RAPGEF2: variants seen among roughly 807,000 people sequenced by gnomAD.
The protein encoded by RAPGEF2 is PDZ domain containing guanine nucleotide exchange factor (GEF) 1.
RAPGEF2 carries 54 observed loss-of-function variants against 186.7 expected under a neutral mutation model. That is an observed-to-expected ratio of 0.29 (90% CI 0.23 to 0.36). RAPGEF2 has a LOEUF of 0.36. RAPGEF2 is among the 10% of genes least tolerant of loss of function. The pLI is 1.00. For missense variants in RAPGEF2, 1,532 were observed against 2,045.0 expected (o/e 0.75, Z 4.84); for synonymous variants, 712 against 705.9 (o/e 1.01, Z -0.14).
rs550170093 is a variant in RAPGEF2 at position 159,156,937 on chromosome 4, C to G, written c.70-29705C>G. 1.2e-4 allele frequency among the ~76,000 whole-genome samples: 18 copies of G among 152,248 alleles called. No individual in the cohort carries two copies. In the South Asian group the frequency reaches 3.3e-3, roughly 28 times the overall value. ...TTTATATTGTATTGTTTAAAATAACCTAGACATTTACCCAGTACAGTATCT... is the reference window on the plus strand; with the variant it reads ...TTTATATTGTATTGTTTAAAATAACGTAGACATTTACCCAGTACAGTATCT... On this transcript the variant is annotated intron_variant, in intron 1 of 29. Transcript: ENST00000691494.
chr4:159,332,879 G>A (rs1766883614), intron 17 of RAPGEF2, 182 bp downstream of exon 17: 5 of 565,106 alleles, frequency 8.8e-6, no homozygotes, highest in Admixed American at 7.4e-5. Flanking sequence ...CACTTATTTG[G>A]CTACTCCCAA....
chr4:159,209,958 A>C (rs1185674396), intron 3 of RAPGEF2, among the ~76,000 whole-genome samples: 1 of 152,262 alleles, frequency 6.6e-6, no homozygotes, highest in African/African-American at 2.4e-5. Context: ...TTTGATGAAA[A>C]GATCTCTGAG....
intron 7 of RAPGEF2, among the ~76,000 whole-genome samples, chr4:159,299,805 T>C (rs1019918552): frequency 6.6e-6 from 1 of 152,060 alleles, no homozygotes; most frequent in Admixed American, 6.6e-5. Context: ...CCTATTTATA[T>C]ATTATAGAGA....
intron 1 of RAPGEF2, among the ~76,000 whole-genome samples, chr4:159,178,805 C>T (rs910423920): frequency 3.3e-5 from 5 of 152,136 alleles, no homozygotes; most frequent in South Asian, 2.1e-4. Flanking sequence ...GCAATTCACC[C>T]GCCTCGGCTT....
intron 1 of RAPGEF2, among the ~76,000 whole-genome samples, chr4:159,148,139 C>T (rs1187506473): frequency 1.3e-5 from 2 of 152,038 alleles, no homozygotes; most frequent in African/African-American, 4.8e-5. Context: ...TATATTAGAT[C>T]TATATCAAAA....
intron 1 of RAPGEF2, among the ~76,000 whole-genome samples, chr4:159,170,733 G>T (rs770962919): frequency 6.6e-6 from 1 of 152,048 alleles, no homozygotes; most frequent in South Asian, 2.1e-4. Flanking sequence ...ATCTATTTTT[G>T]ATTTTGTTGC....
At position 159,355,306 on chromosome 4, in the gene RAPGEF2, C is replaced by T. The variant is rs191315251; in HGVS notation, c.4652-547C>T. On this transcript the variant is annotated intron_variant, in intron 28 of 29. Transcript: ENST00000691494. ...AATTTTTAAATTGGTATCCTTTGTG[C>T]GACTTTTCCAAATTTATTTTAATTC... Among the ~76,000 whole-genome samples the T allele has an allele frequency of 2.7e-3, 416 of 152,228 alleles. 2 individuals carry two copies. The highest frequency in any genetic ancestry group is 8.7e-3 in the African/African-American group (361 of 41,542).
intron 5 of RAPGEF2, among the ~76,000 whole-genome samples, chr4:159,240,724 C>T (rs1478178201): frequency 6.6e-6 from 1 of 151,578 alleles, no homozygotes; most frequent in Non-Finnish European, 1.5e-5. Context: ...AGGAGAAACC[C>T]TTGCGTAACC....
At chr4:159,165,408 A>C (rs1186724462) in intron 1 of RAPGEF2, among the ~76,000 whole-genome samples, 1 of 152,146 alleles carries the variant, frequency 6.6e-6, no homozygotes, top group African/African-American at 2.4e-5. Flanking sequence ...TTCAGATCGG[A>C]TATGTTTTGG....
intron 7 of RAPGEF2, among the ~76,000 whole-genome samples, chr4:159,258,826 G>A (rs946289770): frequency 2.6e-5 from 4 of 152,062 alleles, no homozygotes; most frequent in African/African-American, 9.7e-5. Context: ...TTCTAGGAGT[G>A]GCATTATAGA....
intron 7 of RAPGEF2, among the ~76,000 whole-genome samples, chr4:159,278,417 C>G (rs553593273): frequency 5.3e-4 from 81 of 152,264 alleles, no homozygotes; most frequent in African/African-American, 1.9e-3. Flanking sequence ...ATTCCTACCC[C>G]TAAGGAACCT....
intron 8 of RAPGEF2, among the ~76,000 whole-genome samples, chr4:159,306,829 G>C (rs547858220): frequency 4.5e-4 from 69 of 152,226 alleles, no homozygotes; most frequent in Admixed American, 9.8e-4. Context: ...AATAAGACTG[G>C]ATCATTGAAT....
chr4:159,251,616 G>T (rs928972668), intron 7 of RAPGEF2, among the ~76,000 whole-genome samples: 1 of 151,932 alleles, frequency 6.6e-6, no homozygotes, highest in Non-Finnish European at 1.5e-5. Flanking sequence ...TCAGTGCTCT[G>T]TGTCTAGCAA....
chr4:159,140,407 A>G (rs1742182446), intron 1 of RAPGEF2, among the ~76,000 whole-genome samples: 1 of 152,228 alleles, frequency 6.6e-6, no homozygotes, highest in Non-Finnish European at 1.5e-5. Context: ...TTCTCTTTTA[A>G]AAGCAATTGT....
intron 3 of RAPGEF2, among the ~76,000 whole-genome samples, chr4:159,200,471 C>T (rs1749285027): frequency 6.6e-6 from 1 of 151,270 alleles, no homozygotes; most frequent in Non-Finnish European, 1.5e-5. Context: ...GTCTCAAAAA[C>T]AATAATAAAA....
chr4:159,302,872 C>T (rs1762841999), intron 7 of RAPGEF2, among the ~76,000 whole-genome samples: 1 of 151,634 alleles, frequency 6.6e-6, no homozygotes, highest in South Asian at 2.1e-4. Context: ...TTTACAACAT[C>T]TTCAATTACC....
rs542940532 is a variant in RAPGEF2, at chr4:159,242,187, G to A, written c.525+819G>A. 6.6e-5 allele frequency among the ~76,000 whole-genome samples: 10 copies of A among 151,494 alleles called. No individual in the cohort carries two copies. In the East Asian group the frequency reaches 9.7e-4, roughly 15 times the overall value. On this transcript the variant is annotated intron_variant, in intron 6 of 29. Transcript: ENST00000691494. ...CCTTTGTTTTTTCAAGAGCAAAGTC[G>A]CTTAGATTCCTGGATATGTCATAAT... is the stretch of plus-strand genomic sequence containing the variant.
chr4:159,202,532 TC>T (rs1749547510), intron 3 of RAPGEF2, among the ~76,000 whole-genome samples: 2 of 152,168 alleles, frequency 1.3e-5, no homozygotes, highest in African/African-American at 4.8e-5. Context: ...CACAGCCACT[TC>T]CGCAACGCCT....
chr4:159,181,575 CTTTTTTTT>C (rs531646826), intron 1 of RAPGEF2, among the ~76,000 whole-genome samples: 1 of 121,386 alleles, frequency 8.2e-6, no homozygotes, highest in African/African-American at 3.2e-5. Flanking sequence ...GGAAGACAGT[CTTTTTTTT>C]TTTTTTTTTT....
Sources: allele counts gnomAD v4.1 joint callset (sites outside exome capture counted in the v4.1 genomes callset), GRCh38; gene constraint gnomAD v4.1.1; transcripts MANE v1.5; gene names NCBI Gene and HGNC (gene_info 2026-07-23, HGNC 2026-07-21).